Variants in ZMYM1 observed in about 807,000 individuals in gnomAD.
ZMYM1 encodes the protein zinc finger MYM-type containing 1, also known as zinc finger MYM-type protein 1.
ZMYM1 carries 39 observed loss-of-function variants against 60.0 expected under a neutral mutation model. The observed-to-expected ratio is 0.65, with a 90% CI of 0.50 to 0.85. The LOEUF is 0.85. ZMYM1 is among the 40% of genes least tolerant of loss of function. The pLI, the probability that ZMYM1 is intolerant of heterozygous loss-of-function variation, is 0.00. For missense variants in ZMYM1, 1,171 were observed against 1,309.5 expected, an observed-to-expected ratio of 0.89 and a Z score of 1.63; for synonymous variants, 413 against 454.0, an observed-to-expected ratio of 0.91 and a Z score of 1.15.
chr1:35,099,180 T>C (rs1252580283), intron 4 of ZMYM1, among the ~76,000 whole-genome samples: 1 of 152,244 alleles, frequency 6.6e-6, no homozygotes, highest in Non-Finnish European at 1.5e-5. Context: ...CTTCAGCTCC[T>C]CTGGCTGCTG....
chr1:35,064,686 C>CTT (rs34080777), intron 1 of ZMYM1, among the ~76,000 whole-genome samples: 256 of 112,904 alleles, frequency 2.3e-3, no homozygotes, highest in Non-Finnish European at 3.7e-3. Flanking sequence ...CAATATATTT[C>CTT]TTTTTTTTTT....
In ZMYM1 at chr1:35,104,447, G is replaced by C; in HGVS notation, c.572G>C (p.Ser191Thr). 1 of 1,610,514 alleles carries C rather than the reference G, an allele frequency of 6.2e-7. No homozygotes were observed. Among genetic ancestry groups the C allele is most frequent in the Non-Finnish European group, 8.5e-7 (1 of 1,177,844 alleles). ...ACTAATAGCATTTTGACCAAGTGCA[G>C]CATGTGCCAGAAGACTGCTATTGTA... is the stretch of plus-strand genomic sequence containing the variant. ...ICTNSILTKC[S>T]MCQKTAIIQY... The change falls in exon 5 of 10, where the codon AGC becomes ACC. Residue 191 changes from serine to threonine, a missense_variant. By Grantham distance (58) the Ser-to-Thr change is moderately conservative (BLOSUM62 1). Coordinates refer to ENST00000359858, the MANE Select transcript of ZMYM1 (RefSeq NM_024772.5).
chr1:35,088,805 C>CTTTTTTT (rs375136566), intron 1 of ZMYM1, among the ~76,000 whole-genome samples: 41 of 119,600 alleles, frequency 3.4e-4, no homozygotes, highest in Non-Finnish European at 4.1e-4. Flanking sequence ...GGATGCTTTC[C>CTTTTTTT]TTTTTTTTTT....
upstream of ZMYM1, among the ~76,000 whole-genome samples, chr1:35,077,924 G>A (rs1299183350): frequency 1.3e-5 from 2 of 152,152 alleles, no homozygotes; most frequent in East Asian, 1.9e-4. Flanking sequence ...GTGAACCCAC[G>A]GGGCATTTAC....
chr1:35,114,275 A>G lies in ZMYM1; in HGVS notation c.2445A>G (p.Thr815=), dbSNP rs1236772782. The stretch of plus-strand genomic sequence containing the variant: ...CATGTTGGACAGTCCATGATCGTAC[A>G]TTACTATCTGTGATTGACAGTCTTC... ...SQSCWTVHDR[T]LLSVIDSLPE... is the part of the protein sequence containing the mutation. Residue 815 remains threonine, a synonymous_variant, in exon 10 of 10, where the codon ACA becomes ACG. Coordinates refer to ENST00000359858, the MANE Select transcript of ZMYM1 (RefSeq NM_024772.5). The G allele has an allele frequency of 1.9e-6, 3 of 1,613,870 alleles. No homozygotes were observed. The highest frequency in any genetic ancestry group is 2.2e-5 in the South Asian group (2 of 91,068).
At chr1:35,076,648 A>G (rs1399793242), upstream of ZMYM1, among the ~76,000 whole-genome samples, 1 of 149,832 alleles carries the variant, frequency 6.7e-6, no homozygotes, top group African/African-American at 2.5e-5. Flanking sequence ...AAACAAATGA[A>G]TCAGCCAGGC....
chr1:35,082,254 C>CG (rs1007453027), intron 1 of ZMYM1, among the ~76,000 whole-genome samples: 1 of 139,378 alleles, frequency 7.2e-6, no homozygotes, highest in Non-Finnish European at 1.5e-5. Context: ...GTTTCTTTTG[C>CG]GGGGGGTGAG....
downstream of ZMYM1, among the ~76,000 whole-genome samples, chr1:35,116,082 T>A (rs996715275): frequency 2.9e-4 from 44 of 150,972 alleles, no homozygotes; most frequent in Admixed American, 2.2e-3. Flanking sequence ...TTTTTTTTTT[T>A]AAATTAGTGA....
chr1:35,083,506 T>C (rs1315922618), intron 1 of ZMYM1, among the ~76,000 whole-genome samples: 6 of 152,240 alleles, frequency 3.9e-5, no homozygotes, highest in Non-Finnish European at 8.8e-5. Flanking sequence ...ATGACATGCC[T>C]ACTCGCGTTT....
chr1:35,104,377 C>A lies in ZMYM1; in HGVS notation c.502C>A (p.Leu168Ile). 6.2e-7 allele frequency: 1 copy of A among 1,613,296 alleles called. No individual in the cohort carries two copies. Among genetic ancestry groups the A allele is most frequent in the Non-Finnish European group, 8.5e-7 (1 of 1,179,732 alleles). ...SCKTFCSLSCLSSYEEKRKPF... is the reference protein window; with the variant it reads ...SCKTFCSLSCISSYEEKRKPF... Reference sequence around the variant, plus strand: ...CAAAACTTTTTGCAGCCTATCTTGTCTTTCATCATATGAAGAAAAAAGAAA... The same window carrying A: ...CAAAACTTTTTGCAGCCTATCTTGTATTTCATCATATGAAGAAAAAAGAAA... The change falls in exon 5 of 10, where the codon CTT becomes ATT. Residue 168 changes from leucine (L) to isoleucine (I), a missense_variant. By Grantham distance (5) the Leu-to-Ile change is conservative. Transcript: ENST00000359858.
At chr1:35,081,835 A>G (rs1642405363) in intron 1 of ZMYM1, among the ~76,000 whole-genome samples, 1 of 152,128 alleles carries the variant, frequency 6.6e-6, no homozygotes, top group Non-Finnish European at 1.5e-5. Context: ...AGCTGGGATT[A>G]CAGGTGCCCA....
At chr1:35,107,824 A>C (rs1643943723) in intron 6 of ZMYM1, among the ~76,000 whole-genome samples, 1 of 152,104 alleles carries the variant, frequency 6.6e-6, no homozygotes, top group African/African-American at 2.4e-5. Context: ...TGATACCACT[A>C]TTGGGCCAGG....
At chr1:35,093,379 AC>A (rs1474937288) in intron 1 of ZMYM1, 2 of 151,764 alleles carry the variant, frequency 1.3e-5, no homozygotes, top group Non-Finnish European at 2.9e-5. Context: ...ATTCACTGCG[AC>A]CTCCACCTCC....
At chr1:35,080,235 C>T (rs967002738) in intron 1 of ZMYM1, among the ~76,000 whole-genome samples, 3 of 152,114 alleles carry the variant, frequency 2.0e-5, no homozygotes, top group Non-Finnish European at 2.9e-5. Context: ...CTTTCCAGTT[C>T]CTTCTACTAG....
rs139252805 is a variant in ZMYM1 at position 35,115,785 on chromosome 1, T to A, written c.*526T>A. 2.0e-5 allele frequency: 3 copies of A among 152,380 alleles called. No individual in the cohort carries two copies. Among genetic ancestry groups the A allele is most frequent in the African/African-American group, 7.2e-5 (3 of 41,472 alleles). The allele number at this position is 152,380 out of a possible 1,614,324, so 9.4% of individuals were successfully genotyped here. ...ATAGATATTGGCAAGTTGCCATCTA[T>A]AAGGATTGTGCCAGTTTACAGTCCC... On this transcript the variant is annotated 3_prime_UTR_variant, in exon 10 of 10. Coordinates refer to ENST00000359858, the MANE Select transcript of ZMYM1 (RefSeq NM_024772.5).
chr1:35,087,029 C>T (rs1433960246), intron 1 of ZMYM1, among the ~76,000 whole-genome samples: 7 of 109,912 alleles, frequency 6.4e-5, no homozygotes, highest in East Asian at 3.2e-4. Flanking sequence ...CTTGCTCTGT[C>T]GTACCCAGGC....
upstream of ZMYM1, among the ~76,000 whole-genome samples, chr1:35,075,405 C>T (rs1247276185): frequency 6.6e-6 from 1 of 151,948 alleles, no homozygotes; most frequent in Non-Finnish European, 1.5e-5. Flanking sequence ...AATCTCAGCT[C>T]ATTGCAACCT....
At chr1:35,076,795 G>T (rs1423080222), upstream of ZMYM1, among the ~76,000 whole-genome samples, 1 of 151,976 alleles carries the variant, frequency 6.6e-6, no homozygotes, top group Non-Finnish European at 1.5e-5. Context: ...AGCTGGGCAT[G>T]ATGGGGCACT....
At chr1:35,085,493 C>T (rs1202674288) in intron 1 of ZMYM1, among the ~76,000 whole-genome samples, 1 of 152,180 alleles carries the variant, frequency 6.6e-6, no homozygotes, top group Non-Finnish European at 1.5e-5. Context: ...TAAGGTGCAG[C>T]TGATTCTTTG....
Sources: allele counts gnomAD v4.1 joint callset (sites outside exome capture counted in the v4.1 genomes callset), GRCh38; gene constraint gnomAD v4.1.1; transcripts MANE v1.5; gene names NCBI Gene and HGNC (gene_info 2026-07-23, HGNC 2026-07-21).